CALN1: variants seen among roughly 807,000 people sequenced by gnomAD.
The protein encoded by CALN1 is calcium-binding protein 8.
CALN1 carries 17 observed loss-of-function variants against 30.6 expected under a neutral mutation model. The observed-to-expected ratio is 0.56, with a 90% confidence interval of 0.38 to 0.83. CALN1 has a LOEUF of 0.83. CALN1 is among the 40% of genes least tolerant of loss of function. The pLI, the probability that CALN1 is intolerant of heterozygous loss-of-function variation, is 0.00. For missense variants in CALN1, 291 were observed against 354.9 expected, an observed-to-expected ratio of 0.82 and a Z score of 1.45; for synonymous variants, 156 against 131.4, an observed-to-expected ratio of 1.19 and a Z score of -1.28.
At chr7:72,113,904 G>A (rs1261362514) in intron 3 of CALN1, among the ~76,000 whole-genome samples, 1 of 152,100 alleles carries the variant, frequency 6.6e-6, no homozygotes, top group Non-Finnish European at 1.5e-5. Context: ...GGCTACAGCT[G>A]GAATGACAAG....
intron 3 of CALN1, among the ~76,000 whole-genome samples, chr7:72,212,371 C>A (rs1345515547): frequency 2.1e-5 from 3 of 140,182 alleles, no homozygotes; most frequent in African/African-American, 8.0e-5. Context: ...AAAAAAATAC[C>A]AGAGGGGGGA....
chr7:72,038,472 C>A (rs1801935877), intron 4 of CALN1, among the ~76,000 whole-genome samples: 1 of 151,852 alleles, frequency 6.6e-6, no homozygotes, highest in Non-Finnish European at 1.5e-5. Flanking sequence ...AACTCCTGAC[C>A]TCAAGCCACC....
chr7:72,088,457 G>A (rs996073787), intron 4 of CALN1, among the ~76,000 whole-genome samples: 2 of 152,140 alleles, frequency 1.3e-5, no homozygotes, highest in Admixed American at 1.3e-4. Context: ...CCAGCACTTA[G>A]AGAGGCCCAG....
At chr7:72,215,594 A>G (rs75460565) in intron 3 of CALN1, among the ~76,000 whole-genome samples, 1 of 70,432 alleles carries the variant, frequency 1.4e-5, no homozygotes, top group Non-Finnish European at 2.3e-5. Flanking sequence ...ACTCCTGCTC[A>G]AAAAAAAAAA....
intron 5 of CALN1, among the ~76,000 whole-genome samples, chr7:72,008,336 A>G (rs540955137): frequency 9.9e-4 from 150 of 152,100 alleles, no homozygotes; most frequent in African/African-American, 3.4e-3. Flanking sequence ...TAGACCATAT[A>G]GTAAGTGATC....
chr7:72,225,348 C>A (rs1793595450), intron 3 of CALN1, among the ~76,000 whole-genome samples: 1 of 151,968 alleles, frequency 6.6e-6, no homozygotes, highest in Non-Finnish European at 1.5e-5. Context: ...TGCTTCGGTT[C>A]TTTTTCCAAC....
At chr7:71,977,614 C>T (rs1463104773) in intron 5 of CALN1, among the ~76,000 whole-genome samples, 1 of 151,960 alleles carries the variant, frequency 6.6e-6, no homozygotes, top group East Asian at 1.9e-4. Context: ...ACCTGAGACA[C>T]ATGTCTCCAC....
At chr7:72,483,257 T>TGGTTG in the CALN1 span, among the ~76,000 whole-genome samples, 1 of 143,416 alleles carries the variant, frequency 7.0e-6, no homozygotes, top group Non-Finnish European at 1.5e-5. Flanking sequence ...TGGTTTGGTT[T>TGGTTG]GGTTTTTTTC....
chr7:71,870,149 G>A (rs1386244184), intron 5 of CALN1, among the ~76,000 whole-genome samples: 3 of 152,186 alleles, frequency 2.0e-5, no homozygotes, highest in Non-Finnish European at 2.9e-5. Flanking sequence ...TTGGGAGTCC[G>A]AGGTGGGCCG....
chr7:71,997,371 A>G (rs1342478927), intron 5 of CALN1, among the ~76,000 whole-genome samples: 1 of 152,240 alleles, frequency 6.6e-6, no homozygotes, highest in African/African-American at 2.4e-5. Context: ...GGACAGATCA[A>G]TAAAATTCAC....
chr7:71,869,954 C>G (rs1009900769), intron 5 of CALN1, among the ~76,000 whole-genome samples: 2 of 152,100 alleles, frequency 1.3e-5, no homozygotes, highest in African/African-American at 2.4e-5. Context: ...TTACCAAAAC[C>G]AAGACACCAA....
intron 3 of CALN1, among the ~76,000 whole-genome samples, chr7:72,237,413 T>C (rs1794541677): frequency 6.6e-6 from 1 of 152,076 alleles, no homozygotes; most frequent in African/African-American, 2.4e-5. Flanking sequence ...GGGAGGTCCT[T>C]ATTCCAGATA....
chr7:72,431,712 C>T (rs866596769), intron 1 of CALN1, among the ~76,000 whole-genome samples: 8 of 152,016 alleles, frequency 5.3e-5, no homozygotes, highest in East Asian at 1.9e-4. Flanking sequence ...TGTGGTCATG[C>T]GTGCCTGTAG....
the CALN1 span, among the ~76,000 whole-genome samples, chr7:72,487,868 G>GA: frequency 1.4e-5 from 1 of 71,440 alleles, no homozygotes. Flanking sequence ...AAGAAAGAAA[G>GA]AAAGAAAGAA....
chr7:72,150,634 T>C (rs1273892671), intron 3 of CALN1, among the ~76,000 whole-genome samples: 6 of 152,122 alleles, frequency 3.9e-5, no homozygotes, highest in Admixed American at 6.5e-5. Flanking sequence ...GAGCTTGATA[T>C]TGGCAGAGCA....
At chr7:72,076,623 A>AGC (rs1804753983) in intron 4 of CALN1, among the ~76,000 whole-genome samples, 1 of 133,056 alleles carries the variant, frequency 7.5e-6, no homozygotes, top group Non-Finnish European at 1.6e-5. Context: ...AAAAAAAAAA[A>AGC]AAAAAAAAAA....
chr7:71,908,610 A>G lies in CALN1; in HGVS notation c.502-98118T>C, dbSNP rs187640319. 1.2e-4 allele frequency among the ~76,000 whole-genome samples: 19 copies of G among 152,308 alleles called. No individual in the cohort carries two copies. In the East Asian group the frequency reaches 3.7e-3, roughly 29 times the overall value. On this transcript the variant is annotated intron_variant, in intron 5 of 6. Coordinates refer to ENST00000395275, the MANE Select transcript of CALN1 (RefSeq NM_031468.4). Reference sequence around the variant, plus strand: ...CACGGAAATGCACCAAAAAAAATAAACACAACGATGCATAACTAGCTGTTT... The same window carrying G: ...CACGGAAATGCACCAAAAAAAATAAGCACAACGATGCATAACTAGCTGTTT...
At chr7:72,049,511 G>T (rs911845997) in intron 4 of CALN1, among the ~76,000 whole-genome samples, 1 of 152,042 alleles carries the variant, frequency 6.6e-6, no homozygotes, top group Non-Finnish European at 1.5e-5. Context: ...AATAAGGTAG[G>T]ATTTATTTAT....
chr7:72,088,592 G>A (rs991019865), intron 4 of CALN1, among the ~76,000 whole-genome samples: 2 of 151,514 alleles, frequency 1.3e-5, no homozygotes, highest in African/African-American at 2.4e-5. Context: ...CGACCTACTC[G>A]GGAGGCTGAG....
Sources: gnomAD v4.1 joint callset for allele counts (sites outside exome capture counted in the v4.1 genomes callset) on GRCh38, gnomAD v4.1.1 for gene constraint, MANE v1.5 for transcripts, NCBI Gene and HGNC (gene_info 2026-07-23, HGNC 2026-07-21) for gene names.